RNF144A: variants seen among roughly 807,000 people sequenced by gnomAD.
The protein encoded by RNF144A is ring finger protein 144A.
RNF144A carries 11 observed loss-of-function variants against 38.7 expected under a neutral mutation model. The ratio of observed to expected loss-of-function variants is 0.28; its 90% CI spans 0.18 to 0.47. RNF144A has a LOEUF of 0.47. RNF144A is among the 20% of genes least tolerant of loss of function. The probability of loss-of-function intolerance (pLI) is 0.99; values close to 1 mark genes in which losing one functional copy is unlikely to be tolerated. For synonymous variants in RNF144A, 149 were observed against 143.9 expected, an observed-to-expected ratio of 1.04 and a Z score of -0.25; for missense variants, 316 against 377.2, an observed-to-expected ratio of 0.84 and a Z score of 1.34.
intron 2 of RNF144A, among the ~76,000 whole-genome samples, chr2:6,985,268 C>A (rs1176663591): frequency 8.6e-5 from 11 of 128,614 alleles, no homozygotes; most frequent in African/African-American, 2.6e-4. Flanking sequence ...TCCCTCCCCC[C>A]TCTTTTTTTT....
At chr2:7,056,706 C>A (rs1038209999) in intron 6 of RNF144A, among the ~76,000 whole-genome samples, 5 of 152,188 alleles carry the variant, frequency 3.3e-5, no homozygotes, top group Non-Finnish European at 1.5e-5. Flanking sequence ...CCCCACTACA[C>A]ATTTTGTTCA....
intron 6 of RNF144A, among the ~76,000 whole-genome samples, chr2:7,061,537 T>G (rs994747595): frequency 2.6e-5 from 4 of 152,196 alleles, no homozygotes; most frequent in African/African-American, 9.6e-5. Flanking sequence ...TCTCAAAGAT[T>G]TGCTTATTTC....
chr2:6,977,575 G>A (rs1668391431), intron 2 of RNF144A, among the ~76,000 whole-genome samples: 1 of 152,176 alleles, frequency 6.6e-6, no homozygotes, highest in African/African-American at 2.4e-5. Context: ...GATATTATAT[G>A]GGCATAAAAT....
chr2:7,000,339 G>A (rs539470393), intron 3 of RNF144A, among the ~76,000 whole-genome samples: 4 of 152,300 alleles, frequency 2.6e-5, no homozygotes, highest in Admixed American at 2.6e-4. Flanking sequence ...TGGAGCACTG[G>A]CCAGAGAGAA....
At position 6,944,053 on chromosome 2, in the gene RNF144A, G is replaced by T. The variant is rs1352336538; in HGVS notation, c.-12+2906G>T. Among the ~76,000 whole-genome samples the T allele has an allele frequency of 6.6e-6, 1 of 152,152 alleles. No individual in the cohort carries two copies. The highest frequency in any genetic ancestry group is 2.4e-5 in the African/African-American group (1 of 41,432). ...CCAAGCTGAGAGGGACACAGTGAAA[G>T]AATGGCTGGAATTGGTATTGTGTGC... On this transcript the variant is annotated intron_variant, in intron 2 of 8. Transcript: ENST00000320892. This position sits in a 1 kb window ranked among gnomAD's most constrained non-coding sequence, Gnocchi z 4.7.
At chr2:7,065,450 A>G (rs929837674) in intron 6 of RNF144A, among the ~76,000 whole-genome samples, 11 of 152,226 alleles carry the variant, frequency 7.2e-5, no homozygotes, top group African/African-American at 2.7e-4. Context: ...TCCTTGGCCA[A>G]ACTTTTGTGG....
At chr2:7,020,164 G>T (rs1376240622) in intron 5 of RNF144A, among the ~76,000 whole-genome samples, 1 of 152,204 alleles carries the variant, frequency 6.6e-6, no homozygotes, top group Non-Finnish European at 1.5e-5. Context: ...CCTTTGAGCT[G>T]TGAGCTGAGT....
chr2:6,933,129 A>G (rs1299499864), intron 1 of RNF144A: 3 of 152,262 alleles, frequency 2.0e-5, no homozygotes, highest in African/African-American at 7.2e-5. Context: ...AAGTTCAGCA[A>G]CAGCTAAGAA....
intron 3 of RNF144A, among the ~76,000 whole-genome samples, chr2:7,007,052 C>T (rs777544737): frequency 6.6e-6 from 1 of 152,082 alleles, no homozygotes; most frequent in Non-Finnish European, 1.5e-5. Flanking sequence ...AGAACCCTGC[C>T]CCTTCCCACC....
At chr2:6,923,687 G>A (rs1425070230) in intron 1 of RNF144A, among the ~76,000 whole-genome samples, 1 of 152,200 alleles carries the variant, frequency 6.6e-6, no homozygotes, top group African/African-American at 2.4e-5. Flanking sequence ...GAACTGGGAC[G>A]GAGTTAAAGC....
At chr2:6,976,872 A>G (rs1174834923) in intron 2 of RNF144A, among the ~76,000 whole-genome samples, 1 of 152,074 alleles carries the variant, frequency 6.6e-6, no homozygotes, top group African/African-American at 2.4e-5. Flanking sequence ...TCATTCTATA[A>G]TACATATTCT....
At chr2:7,062,321 G>T (rs1180870705) in intron 6 of RNF144A, among the ~76,000 whole-genome samples, 1 of 152,074 alleles carries the variant, frequency 6.6e-6, no homozygotes, top group Non-Finnish European at 1.5e-5. Flanking sequence ...GTTGGTGGTG[G>T]TCGTGTTTTT....
intron 8 of RNF144A, among the ~76,000 whole-genome samples, chr2:7,033,004 T>G (rs935678998): frequency 2.0e-5 from 3 of 152,244 alleles, no homozygotes; most frequent in Non-Finnish European, 4.4e-5. Flanking sequence ...TGGATGCTGT[T>G]GTGTGCACCT....
intron 2 of RNF144A, among the ~76,000 whole-genome samples, chr2:6,961,949 G>A (rs1374919310): frequency 6.6e-6 from 1 of 152,192 alleles, no homozygotes; most frequent in African/African-American, 2.4e-5. Flanking sequence ...GTTGTCTGGG[G>A]TAATATCTGA....
At chr2:6,997,121 A>G (rs758867408) in intron 3 of RNF144A, 60 bp downstream of exon 3, 52 of 1,560,786 alleles carry the variant, frequency 3.3e-5, no homozygotes, top group Non-Finnish European at 4.5e-5. Flanking sequence ...TTTTGCTTTC[A>G]TTTGCAGAGA....
Position 6,943,252 on chromosome 2 carries a change from A to G in RNF144A, c.-12+2105A>G, listed in dbSNP as rs902751072. 6.6e-6 allele frequency among the ~76,000 whole-genome samples: 1 copy of G among 152,226 alleles called. No individual in the cohort carries two copies. The highest frequency in any genetic ancestry group is 1.5e-5 in the Non-Finnish European group (1 of 68,030). On this transcript the variant is annotated intron_variant, in intron 2 of 8. Coordinates refer to ENST00000320892, the MANE Select transcript of RNF144A (RefSeq NM_014746.6). This position sits in a 1 kb window ranked among gnomAD's most constrained non-coding sequence, Gnocchi z 4.3. ...GCTTCATGAGGAGCAGAAGAGGACA[A>G]GCCAGCAAAGGAGAACAAGAGGGAA...
intron 6 of RNF144A, among the ~76,000 whole-genome samples, chr2:7,066,211 C>T (rs1674211989): frequency 6.6e-6 from 1 of 152,128 alleles, no homozygotes; most frequent in South Asian, 2.1e-4. Flanking sequence ...CCTCAGCCTC[C>T]CGAGTAGCTG....
chr2:7,025,914 C>A (rs774551546), intron 7 of RNF144A, among the ~76,000 whole-genome samples: 1 of 152,182 alleles, frequency 6.6e-6, no homozygotes, highest in Non-Finnish European at 1.5e-5. Flanking sequence ...AGAGCAAGTC[C>A]ATGCTTCCCA....
At chr2:6,997,462 C>T (rs574520345) in intron 3 of RNF144A, among the ~76,000 whole-genome samples, 1 of 152,320 alleles carries the variant, frequency 6.6e-6, no homozygotes, top group African/African-American at 2.4e-5. Flanking sequence ...ATTCAGTCCT[C>T]AGTGTCATCT....
Sources: allele counts gnomAD v4.1 joint callset (sites outside exome capture counted in the v4.1 genomes callset), GRCh38; gene constraint gnomAD v4.1.1; non-coding constraint Gnocchi (gnomAD v3.1); transcripts MANE v1.5; gene names NCBI Gene and HGNC (gene_info 2026-07-23, HGNC 2026-07-21).